The following MRTFB variants were observed in gnomAD, a reference collection of about 807,000 sequenced individuals.
The protein encoded by MRTFB is myocardin related transcription factor B.
Under a neutral mutation model 104.2 loss-of-function variants are expected in MRTFB, and 29 were observed. The observed-to-expected ratio is 0.28, with a 90% confidence interval of 0.21 to 0.38. The LOEUF (loss-of-function observed/expected upper bound fraction) is 0.38. Among genes scored for constraint, MRTFB ranks in the 10% least tolerant of loss-of-function variants. MRTFB has a pLI of 1.00. For missense variants in MRTFB, 1,270 were observed against 1,341.6 expected, an observed-to-expected ratio of 0.95 and a Z score of 0.83; for synonymous variants, 535 against 519.5, an observed-to-expected ratio of 1.03 and a Z score of -0.41.
intron 2 of MRTFB, among the ~76,000 whole-genome samples, chr16:14,115,740 C>G (rs1277441444): frequency 6.6e-6 from 1 of 152,162 alleles, no homozygotes; most frequent in African/African-American, 2.4e-5. Flanking sequence ...GCGTATAATT[C>G]TGGTCAGGTT....
chr16:14,264,409 T>C lies in MRTFB; in HGVS notation c.*2965T>C, dbSNP rs1257417050. The C allele has an allele frequency of 6.6e-6, 1 of 152,214 alleles. No individual in the cohort carries two copies. 9.4% of individuals were successfully genotyped at this position (152,214 alleles called of 1,614,324 possible). A position where few individuals can be genotyped will look rare whatever the true frequency, so the allele number is the denominator to read the frequency against. On this transcript the variant is annotated 3_prime_UTR_variant, in exon 17 of 17. Transcript: ENST00000571589. ...TTGAAAGTCTAGGAGTAGGTGGTCA[T>C]CTTGTACATTTCAGCAAAGCATCCA... is the stretch of plus-strand genomic sequence containing the variant.
rs368219930 is a variant in MRTFB at position 14,251,925 on chromosome 16, G to T, written c.2467G>T (p.Val823Phe). 1 of 1,614,062 alleles carries T rather than the reference G, an allele frequency of 6.2e-7. No individual in the cohort carries two copies. Among genetic ancestry groups the T allele is most frequent in the Non-Finnish European group, 8.5e-7 (1 of 1,180,030 alleles). ...LPYQRHPAPA[V>F]QQPFINKASN... ...ATATCAGAGACATCCTGCCCCAGCT[G>T]TCCAGCAGCCCTTTATCAATAAGGC... The change falls in exon 14 of 17, where the codon GTC becomes TTC. Residue 823 changes from valine (V) to phenylalanine (F), a missense_variant. Transcript: ENST00000571589.
At position 14,263,506 on chromosome 16, in the gene MRTFB, CA is replaced by C. The variant is rs1162627279; in HGVS notation, c.*2065del. ...TTTGAATGGCTTATTAAATTAGCAC[CA>C]AATATCAGTGGGACTGTAGAAGGTA... On this transcript the variant is annotated 3_prime_UTR_variant, in exon 17 of 17. Coordinates refer to ENST00000571589, the MANE Select transcript of MRTFB (RefSeq NM_001308142.2). 2.6e-5 allele frequency: 4 copies of C among 152,158 alleles called. No homozygotes were observed. The highest frequency in any genetic ancestry group is 9.7e-5 in the African/African-American group (4 of 41,446). The allele number at this position is 152,158 out of a possible 1,614,324, so 9.4% of individuals were successfully genotyped here.
At chr16:14,142,625 G>A (rs1234122942) in intron 3 of MRTFB, 3 of 152,148 alleles carry the variant, frequency 2.0e-5, no homozygotes, top group East Asian at 1.9e-4. Context: ...ACTGAAACAT[G>A]ACTAAGTGTG....
intron 6 of MRTFB, among the ~76,000 whole-genome samples, chr16:14,213,821 T>G (rs1032744167): frequency 6.6e-6 from 1 of 152,198 alleles, no homozygotes; most frequent in Admixed American, 6.5e-5. Flanking sequence ...AACCAATTAA[T>G]GGACTAACAC....
chr16:14,220,859 C>T (rs2041663770), intron 8 of MRTFB, among the ~76,000 whole-genome samples: 1 of 152,148 alleles, frequency 6.6e-6, no homozygotes, highest in South Asian at 2.1e-4. Context: ...GAAAAAAAAC[C>T]TGGAGTCAGG....
At chr16:14,209,864 TAAA>T (rs2041117701) in intron 3 of MRTFB, among the ~76,000 whole-genome samples, 1 of 152,224 alleles carries the variant, frequency 6.6e-6, no homozygotes, top group East Asian at 1.9e-4. Flanking sequence ...AATTTGTTTT[TAAA>T]AAACTAAGAT....
At chr16:14,012,628 C>T in the MRTFB span, among the ~76,000 whole-genome samples, 1 of 152,104 alleles carries the variant, frequency 6.6e-6, no homozygotes, top group Non-Finnish European at 1.5e-5. Context: ...CATCATTTCC[C>T]ATCCTCAGGA....
chr16:14,250,404 C>G (rs1443425069), intron 13 of MRTFB, among the ~76,000 whole-genome samples: 3 of 152,132 alleles, frequency 2.0e-5, no homozygotes, highest in Non-Finnish European at 4.4e-5. Context: ...TTGTAAAAGA[C>G]CCTAAAACTT....
rs574157207 is a variant in MRTFB at position 14,209,335 on chromosome 16, ACT to A, written c.155-905_155-904del. 8.1e-4 allele frequency among the ~76,000 whole-genome samples: 124 copies of A among 152,306 alleles called. 1 individual carries two copies. The highest frequency in any genetic ancestry group is 2.3e-3 in the East Asian group (12 of 5,186). On this transcript the variant is annotated intron_variant, in intron 3 of 16. Transcript: ENST00000571589. ...ACAACCATTAAGCAGACTCTTAATC[ACT>A]CTAATCTTGGTTTTCATCCATGGTT... is the stretch of plus-strand genomic sequence containing the variant.
the MRTFB span, among the ~76,000 whole-genome samples, chr16:14,054,048 T>G: frequency 6.6e-6 from 1 of 152,150 alleles, no homozygotes; most frequent in Non-Finnish European, 1.5e-5. Context: ...GACGAGTCTA[T>G]TCTAAATCAA....
At chr16:14,135,648 T>C (rs2037674843) in intron 2 of MRTFB, among the ~76,000 whole-genome samples, 1 of 152,260 alleles carries the variant, frequency 6.6e-6, no homozygotes, top group Admixed American at 6.5e-5. Context: ...GCATTTCCAC[T>C]GTCTTCATTC....
At chr16:14,064,284 AGT>A in the MRTFB span, among the ~76,000 whole-genome samples, 1 of 152,130 alleles carries the variant, frequency 6.6e-6, no homozygotes, top group South Asian at 2.1e-4. Flanking sequence ...TCTTTTGAAA[AGT>A]GTCTGTTCAT....
intron 3 of MRTFB, among the ~76,000 whole-genome samples, chr16:14,197,385 G>A (rs2040487353): frequency 6.6e-6 from 1 of 151,856 alleles, no homozygotes; most frequent in Non-Finnish European, 1.5e-5. Context: ...CTCCTTTTTA[G>A]TCTTTTACCC....
chr16:14,001,570 A>C, the MRTFB span, among the ~76,000 whole-genome samples: 1 of 152,234 alleles, frequency 6.6e-6, no homozygotes, highest in Non-Finnish European at 1.5e-5. Context: ...CCCAGAGCAA[A>C]ATCAGGTTTG....
chr16:14,112,757 A>G (rs1463690902), intron 2 of MRTFB, among the ~76,000 whole-genome samples: 2 of 152,118 alleles, frequency 1.3e-5, no homozygotes, highest in African/African-American at 2.4e-5. Context: ...TGCACTTGCT[A>G]TTGCCATCCA....
intron 2 of MRTFB, among the ~76,000 whole-genome samples, chr16:14,096,424 C>T (rs567665753): frequency 3.3e-5 from 5 of 152,222 alleles, no homozygotes; most frequent in South Asian, 4.1e-4. Flanking sequence ...TTCTGAAGCA[C>T]GTGTCACCAG....
the MRTFB span, among the ~76,000 whole-genome samples, chr16:14,005,284 G>A: frequency 6.6e-6 from 1 of 152,212 alleles, no homozygotes; most frequent in Non-Finnish European, 1.5e-5. Context: ...AGTAAGGAAG[G>A]GAGGAAGGAA....
At chr16:14,179,803 G>T (rs932218618) in intron 3 of MRTFB, among the ~76,000 whole-genome samples, 9 of 152,204 alleles carry the variant, frequency 5.9e-5, no homozygotes, top group African/African-American at 2.2e-4. Flanking sequence ...GCTAGTCAGC[G>T]TGGTCCATAT....
Sources: gnomAD v4.1 joint callset for allele counts (sites outside exome capture counted in the v4.1 genomes callset) on GRCh38, gnomAD v4.1.1 for gene constraint, MANE v1.5 for transcripts, NCBI Gene and HGNC (gene_info 2026-07-23, HGNC 2026-07-21) for gene names.